Variants in GREB1L observed in about 807,000 individuals in gnomAD.
The protein encoded by GREB1L is GREB1-like protein.
GREB1L carries 17 observed loss-of-function variants against 200.8 expected under a neutral mutation model. The ratio of observed to expected loss-of-function variants is 0.08; its 90% confidence interval spans 0.06 to 0.13. The LOEUF is 0.13. GREB1L is among the 10% of genes least tolerant of loss of function. The probability of loss-of-function intolerance (pLI) is 1.00; values close to 1 mark genes in which losing one functional copy is unlikely to be tolerated. For missense variants in GREB1L, 1,657 were observed against 2,367.7 expected, an observed-to-expected ratio of 0.70 and a Z score of 6.23; for synonymous variants, 789 against 893.0, an observed-to-expected ratio of 0.88 and a Z score of 2.08.
At chr18:21,440,449 C>T in intron 9 of GREB1L, 61 bp downstream of exon 9, 1 of 1,429,344 alleles carries the variant, frequency 7.0e-7, no homozygotes, top group Admixed American at 2.0e-5. Flanking sequence ...ATATCTTCTA[C>T]TTCCATTCTT....
Position 21,248,615 on chromosome 18 carries a change from A to T in GREB1L, c.-120+6222A>T, listed in dbSNP as rs771349892. On this transcript the variant is annotated intron_variant, in intron 1 of 32. Transcript: ENST00000424526. ...TCTAATGTTGGCAATTGGATAAATA[A>T]ATGGTTGTTCTTATACTAAGACTGA... is the stretch of plus-strand genomic sequence containing the variant. Among the ~76,000 whole-genome samples, 14 of 152,322 alleles carry T rather than the reference A, an allele frequency of 9.2e-5. No homozygotes were observed. In the East Asian group the frequency reaches 2.1e-3, roughly 23 times the overall value.
intron 1 of GREB1L, among the ~76,000 whole-genome samples, chr18:21,312,479 AC>A (rs2038806525): frequency 6.6e-6 from 1 of 151,882 alleles, no homozygotes; most frequent in African/African-American, 2.4e-5. Flanking sequence ...CTGCAACCTC[AC>A]TAGCATCTGT....
rs143049200 is a variant in GREB1L at position 21,431,165 on chromosome 18, G to A, written c.833-8356G>A. On this transcript the variant is annotated intron_variant, in intron 7 of 32. Coordinates refer to ENST00000424526, the MANE Select transcript of GREB1L (RefSeq NM_001142966.3). The stretch of plus-strand genomic sequence containing the variant: ...GCCTCCTGAATAGCTGGGATTACAG[G>A]CGCCCACCACCACACGTGGCTAATT... Among the ~76,000 whole-genome samples, 112 of 151,998 alleles carry A rather than the reference G, an allele frequency of 7.4e-4. 1 individual carries two copies. The East Asian group carries it at 0.019, about 26-fold the overall frequency.
At chr18:21,426,287 G>A (rs936111408) in intron 7 of GREB1L, among the ~76,000 whole-genome samples, 18 of 151,980 alleles carry the variant, frequency 1.2e-4, no homozygotes, top group Non-Finnish European at 4.4e-5. Flanking sequence ...TCGAACTCCT[G>A]ACCTCGTGAT....
intron 27 of GREB1L, 96 bp downstream of exon 27, chr18:21,508,687 A>T: frequency 2.4e-6 from 2 of 818,704 alleles, no homozygotes; most frequent in Non-Finnish European, 3.9e-6. Context: ...GCCTCTAGAA[A>T]TTGTCCTGCC....
chr18:21,359,486 G>A (rs1598692665), intron 1 of GREB1L, among the ~76,000 whole-genome samples: 1 of 152,170 alleles, frequency 6.6e-6, no homozygotes, highest in Non-Finnish European at 1.5e-5. Context: ...GAACTACTCA[G>A]TCAAGTCTTA....
At chr18:21,505,722 G>T in intron 24 of GREB1L, 88 bp from the exon 25 acceptor site, 1 of 1,436,874 alleles carries the variant, frequency 7.0e-7, no homozygotes, top group Non-Finnish European at 9.4e-7. Context: ...ACATGGAAAA[G>T]TCATTTTGGG....
chr18:21,336,775 G>A (rs1237416778), intron 1 of GREB1L, among the ~76,000 whole-genome samples: 1 of 152,100 alleles, frequency 6.6e-6, no homozygotes, highest in African/African-American at 2.4e-5. Context: ...GATTTCTCAG[G>A]CACACTGGCA....
At chr18:21,425,095 TTCAG>T (rs2144943391) in intron 7 of GREB1L, among the ~76,000 whole-genome samples, 1 of 152,342 alleles carries the variant, frequency 6.6e-6, no homozygotes, top group Admixed American at 6.5e-5. Context: ...TTTTCAGTTT[TTCAG>T]TCAGGTTGTC....
intron 1 of GREB1L, among the ~76,000 whole-genome samples, chr18:21,249,315 A>C (rs2037660430): frequency 1.3e-5 from 2 of 152,202 alleles, no homozygotes; most frequent in Admixed American, 6.5e-5. Flanking sequence ...AGAACTCTCT[A>C]AATAACATCC....
chr18:21,334,788 T>C (rs1387525811), intron 1 of GREB1L, among the ~76,000 whole-genome samples: 6 of 151,592 alleles, frequency 4.0e-5, no homozygotes, highest in African/African-American at 1.5e-4. Context: ...AAAAAAAAAT[T>C]GCCCCATTAT....
intron 1 of GREB1L, among the ~76,000 whole-genome samples, chr18:21,272,331 G>A (rs759367303): frequency 1.3e-5 from 2 of 152,196 alleles, no homozygotes; most frequent in Non-Finnish European, 2.9e-5. Context: ...CATCAGCCAC[G>A]TTCCATTGTC....
At position 21,523,345 on chromosome 18, in the gene GREB1L, A is replaced by T. The variant is rs1381338894; in HGVS notation, c.*524A>T. 1 of 152,214 alleles carries T rather than the reference A, an allele frequency of 6.6e-6. No homozygotes were observed. The highest frequency in any genetic ancestry group is 2.4e-5 in the African/African-American group (1 of 41,430). 9.4% of individuals were successfully genotyped at this position (152,214 alleles called of 1,614,324 possible). ...AGACGATATTTGTATTTAAAAAAAGAAGTAGCTTTGTCTTTCTCTGTGCAG... is the reference window on the plus strand; with the variant it reads ...AGACGATATTTGTATTTAAAAAAAGTAGTAGCTTTGTCTTTCTCTGTGCAG... On this transcript the variant is annotated 3_prime_UTR_variant, in exon 33 of 33. Coordinates refer to ENST00000424526, the MANE Select transcript of GREB1L (RefSeq NM_001142966.3).
intron 7 of GREB1L, among the ~76,000 whole-genome samples, chr18:21,430,175 G>T (rs2586205): frequency 0.37 from 56,445 of 151,908 alleles, 15,920 homozygotes; most frequent in African/African-American, 0.77. Flanking sequence ...AGTCACATTC[G>T]AAGGTTTTAG....
chr18:21,511,079 A>G (rs1008063239), intron 27 of GREB1L, among the ~76,000 whole-genome samples: 1 of 152,172 alleles, frequency 6.6e-6, no homozygotes. Context: ...CACTCTTGGT[A>G]AAGATTTTCT....
At chr18:21,353,794 T>C (rs2039467428) in intron 1 of GREB1L, among the ~76,000 whole-genome samples, 1 of 152,188 alleles carries the variant, frequency 6.6e-6, no homozygotes, top group South Asian at 2.1e-4. Flanking sequence ...AAGTTCTTTC[T>C]TTTCTTTTTG....
intron 1 of GREB1L, among the ~76,000 whole-genome samples, chr18:21,330,359 T>A (rs1338699126): frequency 1.3e-5 from 2 of 152,218 alleles, no homozygotes; most frequent in Non-Finnish European, 1.5e-5. Flanking sequence ...TGTCAGTGTG[T>A]CCTAGTGTCT....
rs1312495276 is a variant in GREB1L at position 21,525,128 on chromosome 18, A to C, written c.*2307A>C. The C allele has an allele frequency of 6.6e-6, 1 of 152,054 alleles. No individual in the cohort carries two copies. Among genetic ancestry groups the C allele is most frequent in the East Asian group, 1.9e-4 (1 of 5,188 alleles). The allele number at this position is 152,054 out of a possible 1,614,324, so 9.4% of individuals were successfully genotyped here. A position where few individuals can be genotyped will look rare whatever the true frequency, so the allele number is the denominator to read the frequency against. On this transcript the variant is annotated 3_prime_UTR_variant, in exon 33 of 33. Transcript: ENST00000424526. ...CAGTAACTCACCTGTAGACCTGCTG[A>C]ACCTCAGCATGTATGACAGTTCACA... is the stretch of plus-strand genomic sequence containing the variant.
chr18:21,396,334 C>T lies in GREB1L; in HGVS notation c.532+773C>T, dbSNP rs144448571. Reference sequence around the variant, plus strand: ...TGCTGGAATTACAGGCATGAGCCACCACGCCCGGCCTTTTCATTTTTATTA... The same window carrying T: ...TGCTGGAATTACAGGCATGAGCCACTACGCCCGGCCTTTTCATTTTTATTA... On this transcript the variant is annotated intron_variant, in intron 5 of 32. Coordinates refer to ENST00000424526, the MANE Select transcript of GREB1L (RefSeq NM_001142966.3). 2.4e-3 allele frequency among the ~76,000 whole-genome samples: 360 copies of T among 152,304 alleles called. 3 individuals carry two copies. The highest frequency in any genetic ancestry group is 8.3e-3 in the African/African-American group (345 of 41,586).
Sources: gnomAD v4.1 joint callset for allele counts (sites outside exome capture counted in the v4.1 genomes callset) on GRCh38, gnomAD v4.1.1 for gene constraint, MANE v1.5 for transcripts, NCBI Gene and HGNC (gene_info 2026-07-23, HGNC 2026-07-21) for gene names.